ARHGAP21: variants seen among roughly 807,000 people sequenced by gnomAD.
ARHGAP21 encodes Rho GTPase activating protein 21.
In ARHGAP21, 38 loss-of-function variants were observed where a neutral mutation model predicts 164.6. The observed-to-expected ratio is 0.23, with a 90% CI of 0.18 to 0.30. ARHGAP21 has a LOEUF of 0.30. Ranked by LOEUF, ARHGAP21 falls within the 10% of genes least tolerant of loss-of-function variation. The probability of loss-of-function intolerance (pLI) is 1.00; values close to 1 mark genes in which losing one functional copy is unlikely to be tolerated. For missense variants in ARHGAP21, 1,822 were observed against 2,370.7 expected, an observed-to-expected ratio of 0.77 and a Z score of 4.81; for synonymous variants, 766 against 857.9, an observed-to-expected ratio of 0.89 and a Z score of 1.87.
intron 2 of ARHGAP21, among the ~76,000 whole-genome samples, chr10:24,691,132 A>G (rs745504385): frequency 3.9e-5 from 6 of 152,220 alleles, no homozygotes; most frequent in Non-Finnish European, 8.8e-5. Context: ...CAGCTGGGGT[A>G]GCAGACCCCT....
At chr10:24,596,942 T>C in intron 16 of ARHGAP21, 60 bp from the exon 17 acceptor site, 1 of 1,537,962 alleles carries the variant, frequency 6.5e-7, no homozygotes, top group Non-Finnish European at 8.7e-7. Flanking sequence ...GTCTAAATCA[T>C]GACTTTAAAA....
intron 25 of ARHGAP21, among the ~76,000 whole-genome samples, 187 bp from the exon 26 acceptor site, chr10:24,586,293 A>G (rs1320216915): frequency 6.6e-6 from 1 of 152,116 alleles, no homozygotes; most frequent in Non-Finnish European, 1.5e-5. Flanking sequence ...TTTTTATTTA[A>G]TGAGTCCAAT....
chr10:24,718,167 G>A (rs988559158), intron 2 of ARHGAP21, among the ~76,000 whole-genome samples: 2 of 152,108 alleles, frequency 1.3e-5, no homozygotes, highest in African/African-American at 2.4e-5. Flanking sequence ...ATGACGAGAC[G>A]GAAGAGTGAG....
rs1454045188 is a variant in ARHGAP21 at position 24,723,577 on chromosome 10, G to C, written c.-396C>G. On this transcript the variant is annotated 5_prime_UTR_variant, in exon 1 of 26. Coordinates refer to ENST00000396432, the MANE Select transcript of ARHGAP21 (RefSeq NM_020824.4). ...AGACACGCACCAGAGGAAGCGGGAC[G>C]AGTGGATCCGCACGGGGCTGGCCGG... The C allele has an allele frequency of 2.0e-5, 3 of 147,498 alleles. No individual in the cohort carries two copies. Among genetic ancestry groups the C allele is most frequent in the Non-Finnish European group, 4.5e-5 (3 of 66,128 alleles). The allele number at this position is 147,498 out of a possible 1,614,324, so 9.1% of individuals were successfully genotyped here.
chr10:24,597,462 T>C lies in ARHGAP21; in HGVS notation c.3319A>G (p.Lys1107Glu). The C allele has an allele frequency of 6.2e-7, 1 of 1,613,212 alleles. No homozygotes were observed. Among genetic ancestry groups the C allele is most frequent in the Non-Finnish European group, 8.5e-7 (1 of 1,179,772 alleles). ...PHSPKEESER[K>E]LLSKDDTSPP... ...ACATCAATACCTTTACTGAGAAGTT[T>C]CCTTTCCGACTCTTCCTTCGGAGAG... The change falls in exon 16 of 26, where the codon AAA becomes GAA. Residue 1107 changes from lysine to glutamate, a missense_variant. Lys to Glu is a moderately conservative substitution (Grantham distance 56, BLOSUM62 1). Transcript: ENST00000396432.
chr10:24,683,617 G>T (rs1333726926), intron 2 of ARHGAP21, among the ~76,000 whole-genome samples: 1 of 152,020 alleles, frequency 6.6e-6, no homozygotes, highest in Non-Finnish European at 1.5e-5. Flanking sequence ...TCAGCCTAGG[G>T]TATGTCTTTA....
At chr10:24,649,524 T>A (rs1837941934) in intron 4 of ARHGAP21, among the ~76,000 whole-genome samples, 1 of 152,234 alleles carries the variant, frequency 6.6e-6, no homozygotes, top group Non-Finnish European at 1.5e-5. Context: ...AGGGGAAAGA[T>A]AACTCTAAGA....
At chr10:24,690,436 T>C (rs1166110772) in intron 2 of ARHGAP21, among the ~76,000 whole-genome samples, 1 of 152,112 alleles carries the variant, frequency 6.6e-6, no homozygotes, top group East Asian at 1.9e-4. Context: ...AAGATGAAAA[T>C]GGTTCTTAAT....
In ARHGAP21 at chr10:24,620,564, T is replaced by C. The variant is rs747550914; in HGVS notation, c.1331A>G (p.His444Arg). Residue 444 changes from histidine (H) to arginine (R), a missense_variant, in exon 9 of 26, where the codon CAT becomes CGT. Physicochemically the swap from His to Arg is conservative, Grantham distance 29 (BLOSUM62 0). Transcript: ENST00000396432. ...TLQGRRRSTS[H>R]DRVPQSVQIR... is the part of the protein sequence containing the mutation. ...CTGGACAGACTGGGGCACTCGATCATGAGAGGTGCTTCGACGTCGTCCCTG... is the reference window on the plus strand; with the variant it reads ...CTGGACAGACTGGGGCACTCGATCACGAGAGGTGCTTCGACGTCGTCCCTG... 12 of 1,611,724 alleles carry C rather than the reference T, an allele frequency of 7.4e-6. No homozygotes were observed. In the African/African-American group the frequency reaches 1.3e-4, roughly 18 times the overall value.
intron 5 of ARHGAP21, 69 bp downstream of exon 5, chr10:24,634,942 A>G (rs1836219062): frequency 8.3e-7 from 1 of 1,208,562 alleles, no homozygotes; most frequent in African/African-American, 1.5e-5. Context: ...AAAATATCGA[A>G]CATGAAATAT....
At chr10:24,667,780 A>G (rs1319895656) in intron 3 of ARHGAP21, among the ~76,000 whole-genome samples, 1 of 150,874 alleles carries the variant, frequency 6.6e-6, no homozygotes, top group Non-Finnish European at 1.5e-5. Flanking sequence ...TCTTCTGATT[A>G]TAAGATCTAG....
rs565275859 is a variant in ARHGAP21 at position 24,720,244 on chromosome 10, C to G, written c.63+1593G>C. 6.6e-5 allele frequency among the ~76,000 whole-genome samples: 7 copies of G among 105,828 alleles called. No homozygotes were observed. In the East Asian group the frequency reaches 1.8e-3, roughly 27 times the overall value. The allele number at this position is 105,828 out of a possible 152,430, so 69.4% of individuals were successfully genotyped here. Reference sequence around the variant, plus strand: ...CTAAATTCTTGGTTTCAGGACATCTCTTAAATGACCAAAAAAAAAAAAAAA... The same window carrying G: ...CTAAATTCTTGGTTTCAGGACATCTGTTAAATGACCAAAAAAAAAAAAAAA... On this transcript the variant is annotated intron_variant, in intron 2 of 25. Transcript: ENST00000396432.
At chr10:24,686,332 G>C (rs987122718) in intron 2 of ARHGAP21, among the ~76,000 whole-genome samples, 1 of 152,128 alleles carries the variant, frequency 6.6e-6, no homozygotes, top group Non-Finnish European at 1.5e-5. Flanking sequence ...GGGAGGCTAA[G>C]GCAGGTGGAT....
chr10:24,631,949 A>T (rs1835895076), intron 6 of ARHGAP21, among the ~76,000 whole-genome samples: 1 of 152,022 alleles, frequency 6.6e-6, no homozygotes, highest in Non-Finnish European at 1.5e-5. Context: ...TCAAACTCCT[A>T]GGCTCAAGTG....
intron 6 of ARHGAP21, among the ~76,000 whole-genome samples, chr10:24,632,344 A>T (rs1443920362): frequency 3.3e-5 from 5 of 152,210 alleles, no homozygotes. Flanking sequence ...ATTTATGATG[A>T]TCTAAATTAT....
chr10:24,636,545 G>A (rs1836405104), intron 4 of ARHGAP21, among the ~76,000 whole-genome samples: 1 of 152,032 alleles, frequency 6.6e-6, no homozygotes, highest in Non-Finnish European at 1.5e-5. Flanking sequence ...AGCAATACTG[G>A]GCAAAAAATG....
intron 2 of ARHGAP21, among the ~76,000 whole-genome samples, chr10:24,678,809 T>C (rs1272691283): frequency 1.3e-5 from 2 of 152,170 alleles, no homozygotes; most frequent in Non-Finnish European, 2.9e-5. Flanking sequence ...ATCTGTTCTA[T>C]ATTTCCATTA....
chr10:24,694,880 G>A (rs1843018100), intron 2 of ARHGAP21, among the ~76,000 whole-genome samples: 1 of 151,732 alleles, frequency 6.6e-6, no homozygotes, highest in South Asian at 2.1e-4. Flanking sequence ...GTTAAACCCT[G>A]TCTCTACTAA....
Position 24,608,035 on chromosome 10 carries a change from G to T in ARHGAP21, c.2423-132C>A, listed in dbSNP as rs541665927. On this transcript the variant is annotated intron_variant, in intron 9 of 25. Transcript: ENST00000396432. ...TCACCACCAAAGCACATCACTAAATGACCTATTCAGTCTGCTAAAAATTGA... is the reference window on the plus strand; with the variant it reads ...TCACCACCAAAGCACATCACTAAATTACCTATTCAGTCTGCTAAAAATTGA... The T allele has an allele frequency of 2.9e-3, 2,026 of 708,830 alleles. 6 individuals carry two copies. Among genetic ancestry groups the T allele is most frequent in the Middle Eastern group, 0.019 (49 of 2,644 alleles). 43.9% of individuals were successfully genotyped at this position (708,830 alleles called of 1,614,324 possible).
Sources: allele counts gnomAD v4.1 joint callset (sites outside exome capture counted in the v4.1 genomes callset), GRCh38; gene constraint gnomAD v4.1.1; transcripts MANE v1.5; gene names NCBI Gene and HGNC (gene_info 2026-07-23, HGNC 2026-07-21).